Variants in PTPRD observed in about 807,000 individuals in gnomAD.
PTPRD encodes protein tyrosine phosphatase receptor type D.
In PTPRD, 34 loss-of-function variants were observed where a neutral mutation model predicts 214.5. The ratio of observed to expected loss-of-function variants is 0.16; its 90% CI spans 0.12 to 0.21. PTPRD has a LOEUF of 0.21. Ranked by LOEUF, PTPRD falls within the 10% of genes least tolerant of loss-of-function variation. The pLI is 1.00. For missense variants in PTPRD, 2,545 were observed against 2,398.7 expected (o/e 1.06, Z -1.27); for synonymous variants, 1,128 against 845.7 (o/e 1.33, Z -5.79).
At chr9:10,126,665 T>A (rs2098822299) in intron 3 of PTPRD, among the ~76,000 whole-genome samples, 1 of 152,180 alleles carries the variant, frequency 6.6e-6, no homozygotes, top group African/African-American at 2.4e-5. Context: ...TCTTTTTTCT[T>A]TTTTATAACA....
chr9:10,264,747 C>T (rs1010484885), intron 3 of PTPRD, among the ~76,000 whole-genome samples: 7 of 152,036 alleles, frequency 4.6e-5, no homozygotes, highest in African/African-American at 1.4e-4. Flanking sequence ...AATCTGAGGA[C>T]ACGAGATTTG....
chr9:10,022,191 G>A (rs1260383980), intron 4 of PTPRD, among the ~76,000 whole-genome samples: 4 of 29,228 alleles, frequency 1.4e-4, no homozygotes, highest in Admixed American at 4.1e-4. Context: ...ACGGAAATCC[G>A]AGGAAAGCAG....
chr9:10,068,580 T>C (rs1446657164), intron 3 of PTPRD, among the ~76,000 whole-genome samples: 1 of 151,860 alleles, frequency 6.6e-6, no homozygotes, highest in Non-Finnish European at 1.5e-5. Flanking sequence ...GGGGACTGTG[T>C]TTTCAACCAC....
At chr9:9,453,943 AT>A (rs935058960) in intron 8 of PTPRD, among the ~76,000 whole-genome samples, 2 of 151,702 alleles carry the variant, frequency 1.3e-5, no homozygotes, top group Non-Finnish European at 3.0e-5. Context: ...CTTCTAAAAA[AT>A]GTCTTTCCAG....
At chr9:9,803,234 T>C (rs970855157) in intron 5 of PTPRD, among the ~76,000 whole-genome samples, 4 of 149,968 alleles carry the variant, frequency 2.7e-5, no homozygotes, top group African/African-American at 9.8e-5. Context: ...TTCACTGAAC[T>C]GGACGTTTTG....
intron 3 of PTPRD, among the ~76,000 whole-genome samples, chr9:10,159,268 C>G (rs1462285441): frequency 6.6e-6 from 1 of 151,550 alleles, no homozygotes; most frequent in Middle Eastern, 3.2e-3. Context: ...AGAATCTAAG[C>G]AAATATAGTC....
At chr9:8,979,017 T>C (rs1329574024) in intron 11 of PTPRD, among the ~76,000 whole-genome samples, 1 of 152,122 alleles carries the variant, frequency 6.6e-6, no homozygotes, top group Non-Finnish European at 1.5e-5. Flanking sequence ...TAAAGAGTCT[T>C]GTGAAGTTGA....
chr9:9,966,953 C>A (rs1161033421), intron 4 of PTPRD, among the ~76,000 whole-genome samples: 1 of 152,044 alleles, frequency 6.6e-6, no homozygotes, highest in East Asian at 1.9e-4. Flanking sequence ...AATGCTAGTC[C>A]CATTTGACAG....
intron 11 of PTPRD, among the ~76,000 whole-genome samples, chr9:9,016,155 C>T (rs938749360): frequency 1.3e-5 from 2 of 152,144 alleles, no homozygotes; most frequent in Admixed American, 6.6e-5. Context: ...GCAGGTGTCA[C>T]CCTCCTTGGG....
intron 9 of PTPRD, among the ~76,000 whole-genome samples, chr9:9,279,462 T>G (rs1192958305): frequency 6.7e-6 from 1 of 149,974 alleles, no homozygotes; most frequent in Non-Finnish European, 1.5e-5. Context: ...ATGCAAATCC[T>G]TCTTTTCCCT....
intron 14 of PTPRD, among the ~76,000 whole-genome samples, chr9:8,611,445 C>T (rs1158988143): frequency 3.3e-5 from 5 of 152,128 alleles, no homozygotes; most frequent in African/African-American, 1.2e-4. Context: ...TGGCTCACAC[C>T]TGTAATCCCA....
chr9:9,640,557 A>G (rs1475540484), intron 7 of PTPRD, among the ~76,000 whole-genome samples: 3 of 152,374 alleles, frequency 2.0e-5, no homozygotes, highest in South Asian at 2.1e-4. Flanking sequence ...CATAACTGAT[A>G]AAATGTGGAA....
At chr9:9,655,864 G>T (rs144819624) in intron 7 of PTPRD, among the ~76,000 whole-genome samples, 14 of 152,136 alleles carry the variant, frequency 9.2e-5, no homozygotes, top group African/African-American at 3.4e-4. Context: ...TGTAATCCGA[G>T]ATACTCAGGA....
intron 11 of PTPRD, among the ~76,000 whole-genome samples, chr9:8,745,470 A>T (rs1319149172): frequency 6.6e-6 from 1 of 152,210 alleles, no homozygotes; most frequent in Non-Finnish European, 1.5e-5. Flanking sequence ...GGAAGGCAGG[A>T]TGAAAGAATC....
At chr9:9,122,373 A>T (rs1385322551) in intron 10 of PTPRD, among the ~76,000 whole-genome samples, 4 of 152,224 alleles carry the variant, frequency 2.6e-5, no homozygotes, top group Admixed American at 1.3e-4. Flanking sequence ...TCAAAGATAT[A>T]TAATATTTCA....
chr9:8,617,985 T>A (rs1460448361), intron 14 of PTPRD, among the ~76,000 whole-genome samples: 2 of 152,102 alleles, frequency 1.3e-5, no homozygotes, highest in African/African-American at 4.8e-5. Context: ...CACTTAAAGC[T>A]CTTGATTTTT....
chr9:8,780,412 T>C (rs1471905583), intron 11 of PTPRD, among the ~76,000 whole-genome samples: 2 of 152,148 alleles, frequency 1.3e-5, no homozygotes, highest in Non-Finnish European at 2.9e-5. Context: ...AATTTGAACT[T>C]TGTTACTAGA....
chr9:10,524,869 C>T (rs1408488724), intron 2 of PTPRD, among the ~76,000 whole-genome samples: 1 of 150,960 alleles, frequency 6.6e-6, no homozygotes, highest in African/African-American at 2.4e-5. Flanking sequence ...ATCATAGCTA[C>T]AGGTGAATTT....
At chr9:8,530,677 T>C (rs1021245996) in intron 14 of PTPRD, among the ~76,000 whole-genome samples, 9 of 152,040 alleles carry the variant, frequency 5.9e-5, no homozygotes, top group Non-Finnish European at 8.8e-5. Flanking sequence ...AGTGACTGTT[T>C]AAAAAATATA....
Sources: allele counts gnomAD v4.1 joint callset (sites outside exome capture counted in the v4.1 genomes callset), GRCh38; gene constraint gnomAD v4.1.1; transcripts MANE v1.5; gene names NCBI Gene and HGNC (gene_info 2026-07-23, HGNC 2026-07-21).